The following ADGRL3 variants were observed in gnomAD, a reference collection of about 807,000 sequenced individuals.
ADGRL3 encodes the protein calcium-independent alpha-latrotoxin receptor 3.
A neutral mutation model predicts 153.5 loss-of-function variants in ADGRL3; 62 were observed. That is an observed-to-expected ratio of 0.40 (90% confidence interval 0.33 to 0.50). The LOEUF (loss-of-function observed/expected upper bound fraction) is 0.50, where lower values mean the gene tolerates loss of function less well. Ranked by LOEUF, ADGRL3 falls within the 20% of genes least tolerant of loss-of-function variation. The pLI is 0.47. For missense variants in ADGRL3, 1,641 were observed against 1,859.4 expected, an observed-to-expected ratio of 0.88 and a Z score of 2.16; for synonymous variants, 710 against 672.5, an observed-to-expected ratio of 1.06 and a Z score of -0.86.
At chr4:61,252,268 A>T (rs893942948) in intron 1 of ADGRL3, among the ~76,000 whole-genome samples, 1 of 152,194 alleles carries the variant, frequency 6.6e-6, no homozygotes, top group African/African-American at 2.4e-5. Context: ...TGTACATTAA[A>T]TTAAATAAAA....
chr4:61,515,329 C>T (rs925417584), intron 3 of ADGRL3, among the ~76,000 whole-genome samples: 4 of 152,100 alleles, frequency 2.6e-5, no homozygotes, highest in African/African-American at 9.7e-5. Context: ...CACTGAAATC[C>T]CAATTTATAT....
At chr4:61,923,781 A>G (rs755910110) in intron 13 of ADGRL3, among the ~76,000 whole-genome samples, 1 of 152,164 alleles carries the variant, frequency 6.6e-6, no homozygotes, top group Admixed American at 6.5e-5. Context: ...CCTCTATTAC[A>G]GCAATTATCA....
At chr4:61,313,308 T>C (rs1407965704) in intron 1 of ADGRL3, among the ~76,000 whole-genome samples, 1 of 152,200 alleles carries the variant, frequency 6.6e-6, no homozygotes, top group African/African-American at 2.4e-5. Context: ...GGCACTGCAA[T>C]GGCTGATACA....
chr4:61,829,181 C>T (rs149900968), intron 9 of ADGRL3, among the ~76,000 whole-genome samples: 34 of 152,252 alleles, frequency 2.2e-4, no homozygotes, highest in African/African-American at 8.2e-4. Flanking sequence ...AAGCAGTGTG[C>T]GAACACCTTC....
Position 61,892,861 on chromosome 4 carries a change from C to A in ADGRL3, c.1686C>A (p.Leu562=), listed in dbSNP as rs777306058. 3 of 1,611,722 alleles carry A rather than the reference C, an allele frequency of 1.9e-6. No homozygotes were observed. In the South Asian group the frequency reaches 3.3e-5, roughly 18 times the overall value. ...LPSASSQIPA[L]EESCEAVEAR... ...CAGCATCGTCCCAAATCCCAGCTCT[C>A]GAAGAGAGCTGTGAGGCTGTGGAAG... Residue 562 remains leucine, a synonymous_variant, in exon 10 of 27, where the codon CTC becomes CTA. Coordinates refer to ENST00000683033, the MANE Select transcript of ADGRL3 (RefSeq NM_001387552.1).
At position 61,249,148 on chromosome 4, in the gene ADGRL3, G is replaced by A. The variant is rs1272732749; in HGVS notation, c.-240+47383G>A. Among the ~76,000 whole-genome samples, 3 of 152,208 alleles carry A rather than the reference G, an allele frequency of 2.0e-5. No homozygotes were observed. In the East Asian group the frequency reaches 5.8e-4, roughly 29 times the overall value. On this transcript the variant is annotated intron_variant, in intron 1 of 26. Transcript: ENST00000683033. ...GAAATGAAGTACGGGTTTTTTTGCA[G>A]GATGAAATAGAAATTACAGTGAAGT...
chr4:61,901,421 C>T (rs986758942), intron 11 of ADGRL3, among the ~76,000 whole-genome samples: 1 of 152,180 alleles, frequency 6.6e-6, no homozygotes, highest in Non-Finnish European at 1.5e-5. Context: ...AATCCTGTCT[C>T]CTATATCTTA....
chr4:61,767,103 T>C (rs55702367), intron 8 of ADGRL3, among the ~76,000 whole-genome samples: 68,586 of 150,140 alleles, frequency 0.46, 15,928 homozygotes, highest in East Asian at 0.64. Context: ...GGTGCATGAT[T>C]GGTCGCCAAG....
chr4:61,771,144 C>T (rs2097081035), intron 8 of ADGRL3, among the ~76,000 whole-genome samples: 4 of 152,180 alleles, frequency 2.6e-5, no homozygotes, highest in Non-Finnish European at 5.9e-5. Flanking sequence ...GGTCCTTAGA[C>T]TGAGTCCCTC....
At chr4:61,423,560 A>T (rs1159798676) in intron 2 of ADGRL3, among the ~76,000 whole-genome samples, 1 of 152,210 alleles carries the variant, frequency 6.6e-6, no homozygotes, top group Admixed American at 6.5e-5. Flanking sequence ...ACATAGTTTG[A>T]TCTGGCAGAG....
intron 4 of ADGRL3, among the ~76,000 whole-genome samples, chr4:61,525,966 G>C (rs1253363629): frequency 6.6e-6 from 1 of 152,118 alleles, no homozygotes; most frequent in Non-Finnish European, 1.5e-5. Context: ...TGACAGAGCT[G>C]ATAAAGAGAT....
Position 61,987,535 on chromosome 4 carries a change from T to G in ADGRL3, c.3236+3932T>G, listed in dbSNP as rs577210081. ...CCTGCTCACCACGTGCATCTTTTTT[T>G]CACACATCTCTGCTGTCTCAAGTTT... On this transcript the variant is annotated intron_variant, in intron 19 of 26. Coordinates refer to ENST00000683033, the MANE Select transcript of ADGRL3 (RefSeq NM_001387552.1). Among the ~76,000 whole-genome samples, 4 of 152,250 alleles carry G rather than the reference T, an allele frequency of 2.6e-5. No homozygotes were observed. In the South Asian group the frequency reaches 6.2e-4, roughly 24 times the overall value.
chr4:61,519,618 C>G (rs1042449294), intron 4 of ADGRL3, among the ~76,000 whole-genome samples: 1 of 152,120 alleles, frequency 6.6e-6, no homozygotes, highest in Non-Finnish European at 1.5e-5. Context: ...GGGGCATAAT[C>G]TTTCCTAATA....
At chr4:61,571,575 T>C (rs372629630) in intron 4 of ADGRL3, among the ~76,000 whole-genome samples, 3 of 152,074 alleles carry the variant, frequency 2.0e-5, no homozygotes, top group South Asian at 4.1e-4. Context: ...TGGAGGCAAA[T>C]AGTTATTTTA....
intron 5 of ADGRL3, among the ~76,000 whole-genome samples, chr4:61,654,002 C>G (rs1580113840): frequency 6.6e-6 from 1 of 152,234 alleles, no homozygotes. Context: ...TATACTAGTT[C>G]CATATATTTA....
At chr4:61,502,581 C>T (rs574132144) in intron 3 of ADGRL3, among the ~76,000 whole-genome samples, 1 of 150,802 alleles carries the variant, frequency 6.6e-6, no homozygotes, top group Non-Finnish European at 1.5e-5. Flanking sequence ...TCATGTGCAA[C>T]AAATTACTTA....
intron 9 of ADGRL3, among the ~76,000 whole-genome samples, chr4:61,849,620 T>C (rs1253778546): frequency 6.6e-6 from 1 of 152,154 alleles, no homozygotes; most frequent in Admixed American, 6.6e-5. Context: ...GTAATCCATT[T>C]TACATATAAA....
At chr4:61,577,225 G>T (rs183198212) in intron 4 of ADGRL3, among the ~76,000 whole-genome samples, 2 of 148,732 alleles carry the variant, frequency 1.3e-5, no homozygotes, top group African/African-American at 4.9e-5. Context: ...GGAAATGGGG[G>T]GGGGATGAGG....
chr4:61,369,115 T>G (rs2096467713), intron 1 of ADGRL3, among the ~76,000 whole-genome samples: 1 of 152,320 alleles, frequency 6.6e-6, no homozygotes, highest in African/African-American at 2.4e-5. Flanking sequence ...CTTATCAGCT[T>G]AAGGAGATTT....
Sources: gnomAD v4.1 joint callset for allele counts (sites outside exome capture counted in the v4.1 genomes callset) on GRCh38, gnomAD v4.1.1 for gene constraint, MANE v1.5 for transcripts, NCBI Gene and HGNC (gene_info 2026-07-23, HGNC 2026-07-21) for gene names.